TCERG1L: variants seen among roughly 807,000 people sequenced by gnomAD.
TCERG1L encodes transcription elongation regulator 1-like protein.
TCERG1L carries 37 observed loss-of-function variants against 56.3 expected under a neutral mutation model. The ratio of observed to expected loss-of-function variants is 0.66; its 90% CI spans 0.51 to 0.87. TCERG1L has a LOEUF of 0.87. Among genes scored for constraint, TCERG1L ranks in the 40% least tolerant of loss-of-function variants. The pLI, the probability that TCERG1L is intolerant of heterozygous loss-of-function variation, is 0.00. For missense variants in TCERG1L, 799 were observed against 774.2 expected (o/e 1.03, Z -0.38); for synonymous variants, 324 against 326.3 (o/e 0.99, Z 0.08).
At chr10:131,125,678 C>A (rs1845558251) in intron 8 of TCERG1L, among the ~76,000 whole-genome samples, 1 of 152,210 alleles carries the variant, frequency 6.6e-6, no homozygotes, top group Non-Finnish European at 1.5e-5. Flanking sequence ...GATGGGAGCA[C>A]AGGGGTGTCG....
At chr10:131,173,398 T>C (rs1846112879) in intron 4 of TCERG1L, among the ~76,000 whole-genome samples, 1 of 151,976 alleles carries the variant, frequency 6.6e-6, no homozygotes, top group Non-Finnish European at 1.5e-5. Context: ...CTTTGAAAAA[T>C]TTGATAATAA....
At chr10:131,177,010 GCACA>G (rs1196623298) in intron 4 of TCERG1L, among the ~76,000 whole-genome samples, 4 of 137,108 alleles carry the variant, frequency 2.9e-5, no homozygotes, top group Admixed American at 1.5e-4. Context: ...ACAGACACAT[GCACA>G]CACAGATACG....
chr10:131,186,103 A>G (rs1244493476), intron 4 of TCERG1L, among the ~76,000 whole-genome samples: 2 of 152,202 alleles, frequency 1.3e-5, no homozygotes, highest in African/African-American at 4.8e-5. Context: ...GAAAAGCCAG[A>G]CACAAAAGGT....
chr10:131,285,144 G>A (rs907896804), intron 3 of TCERG1L, among the ~76,000 whole-genome samples: 8 of 152,084 alleles, frequency 5.3e-5, no homozygotes, highest in African/African-American at 1.4e-4. Context: ...GTGGGAGGCC[G>A]AGGCAGGTGG....
At chr10:131,175,268 G>A (rs1306595392) in intron 4 of TCERG1L, among the ~76,000 whole-genome samples, 3 of 152,220 alleles carry the variant, frequency 2.0e-5, no homozygotes, top group Non-Finnish European at 1.5e-5. Flanking sequence ...TGGAGATGAC[G>A]GCACCAGCAA....
At chr10:131,230,974 C>T (rs529587866) in intron 4 of TCERG1L, among the ~76,000 whole-genome samples, 1 of 134,640 alleles carries the variant, frequency 7.4e-6, no homozygotes, top group East Asian at 1.9e-4. Flanking sequence ...ATGCCCTGAG[C>T]ACCCTTCATT....
chr10:131,135,219 C>T (rs10765039), intron 7 of TCERG1L, among the ~76,000 whole-genome samples: 39,141 of 151,964 alleles, frequency 0.26, 5,548 homozygotes, highest in East Asian at 0.33. Context: ...TGGCTTATTC[C>T]GCCCCGCCCA....
At position 131,291,397 on chromosome 10, in the gene TCERG1L, ATTTCTTTTT is replaced by A. The variant is rs1564835285; in HGVS notation, c.670+16805_670+16813del. 2.6e-3 allele frequency among the ~76,000 whole-genome samples: 154 copies of A among 60,230 alleles called. 6 individuals carry two copies. The highest frequency in any genetic ancestry group is 3.5e-3 in the Non-Finnish European group (108 of 30,854). 39.5% of individuals were successfully genotyped at this position (60,230 alleles called of 152,430 possible). On this transcript the variant is annotated intron_variant, in intron 3 of 11. Transcript: ENST00000368642. The stretch of plus-strand genomic sequence containing the variant: ...CTCATGTGTATATTCCATAAACAGC[ATTTCTTTTT>A]TTTTTTTTTTTTTTTTTTTTTTTTT...
At chr10:131,294,714 T>C (rs942839502) in intron 3 of TCERG1L, among the ~76,000 whole-genome samples, 2 of 152,308 alleles carry the variant, frequency 1.3e-5, no homozygotes, top group South Asian at 2.1e-4. Context: ...AAATTAACAG[T>C]AATTACTTAA....
intron 4 of TCERG1L, among the ~76,000 whole-genome samples, chr10:131,236,878 A>C (rs1236128369): frequency 6.6e-6 from 1 of 151,982 alleles, no homozygotes; most frequent in Non-Finnish European, 1.5e-5. Context: ...CACTGTCCCC[A>C]CACAAGCCAC....
chr10:131,178,959 G>A (rs898250004), intron 4 of TCERG1L, among the ~76,000 whole-genome samples: 21 of 152,212 alleles, frequency 1.4e-4, no homozygotes, highest in African/African-American at 5.1e-4. Flanking sequence ...GTGCTCGTGC[G>A]GTCCCTCAGG....
At chr10:131,224,881 G>T (rs1845775830) in intron 4 of TCERG1L, among the ~76,000 whole-genome samples, 1 of 152,222 alleles carries the variant, frequency 6.6e-6, no homozygotes, top group Non-Finnish European at 1.5e-5. Context: ...AGCGTACCTG[G>T]ACGTTAGGAA....
intron 3 of TCERG1L, among the ~76,000 whole-genome samples, chr10:131,293,622 T>C (rs143580956): frequency 7.2e-5 from 11 of 152,118 alleles, no homozygotes; most frequent in Admixed American, 7.2e-4. Flanking sequence ...CCCAAGCTTG[T>C]GATAAGCCCC....
chr10:131,134,828 G>A (rs544256323), intron 7 of TCERG1L, among the ~76,000 whole-genome samples: 36 of 152,056 alleles, frequency 2.4e-4, no homozygotes, highest in Non-Finnish European at 4.9e-4. Context: ...CCACCTCTGC[G>A]GCCACTGCCC....
At chr10:131,131,898 A>G (rs1389543954) in intron 8 of TCERG1L, among the ~76,000 whole-genome samples, 1 of 152,246 alleles carries the variant, frequency 6.6e-6, no homozygotes, top group Non-Finnish European at 1.5e-5. Flanking sequence ...GGCCCCCTGG[A>G]GGCATGTTCT....
intron 4 of TCERG1L, among the ~76,000 whole-genome samples, chr10:131,190,819 G>C (rs770108334): frequency 6.9e-6 from 1 of 143,924 alleles, no homozygotes; most frequent in Admixed American, 6.9e-5. Flanking sequence ...AGATAAGGAT[G>C]CCTAGTTTTG....
chr10:131,116,792 G>C lies in TCERG1L; in HGVS notation c.1395+7C>G. 1 of 1,555,828 alleles carries C rather than the reference G, an allele frequency of 6.4e-7. No individual in the cohort carries two copies. Reference sequence around the variant, plus strand: ...AGGAGTGCAGCCCCTCAGCCGCTGTGCCTTACCCCTCTCTCCAGCAGCATG... The same window carrying C: ...AGGAGTGCAGCCCCTCAGCCGCTGTCCCTTACCCCTCTCTCCAGCAGCATG... On this transcript the variant is annotated splice_region_variant and intron_variant, in intron 9 of 11. Coordinates refer to ENST00000368642, the MANE Select transcript of TCERG1L (RefSeq NM_174937.4).
intron 4 of TCERG1L, among the ~76,000 whole-genome samples, chr10:131,243,043 G>A (rs573961198): frequency 1.3e-5 from 2 of 152,292 alleles, no homozygotes; most frequent in African/African-American, 2.4e-5. Context: ...TGAGGGGCTT[G>A]TTTTATTTAC....
intron 11 of TCERG1L, among the ~76,000 whole-genome samples, chr10:131,094,082 G>A (rs951580204): frequency 1.3e-5 from 2 of 152,222 alleles, no homozygotes; most frequent in African/African-American, 4.8e-5. Context: ...CAAGGCTACG[G>A]CAGCTTAGAG....
Sources: gnomAD v4.1 joint callset for allele counts (sites outside exome capture counted in the v4.1 genomes callset) on GRCh38, gnomAD v4.1.1 for gene constraint, MANE v1.5 for transcripts, NCBI Gene and HGNC (gene_info 2026-07-23, HGNC 2026-07-21) for gene names.